Variants in PCBP3 observed in about 807,000 individuals in gnomAD.
The protein encoded by PCBP3 is poly(rC) binding protein 3, also known as poly(rC)-binding protein 3.
A neutral mutation model predicts 52.7 loss-of-function variants in PCBP3; 25 were observed. The ratio of observed to expected loss-of-function variants is 0.47; its 90% CI spans 0.35 to 0.66. The LOEUF (loss-of-function observed/expected upper bound fraction) is 0.66, where lower values mean the gene tolerates loss of function less well. Among genes scored for constraint, PCBP3 ranks in the 30% least tolerant of loss-of-function variants. PCBP3 has a pLI of 0.01. For synonymous variants in PCBP3, 162 were observed against 183.0 expected (o/e 0.89, Z 0.93); for missense variants, 391 against 490.3 (o/e 0.80, Z 1.91).
At chr21:45,734,915 G>A (rs916020473) in intron 2 of PCBP3, among the ~76,000 whole-genome samples, 2 of 152,194 alleles carry the variant, frequency 1.3e-5, no homozygotes, top group African/African-American at 2.4e-5. Flanking sequence ...GAGTCTCTGC[G>A]CGGTGTTCAC....
intron 2 of PCBP3, among the ~76,000 whole-genome samples, chr21:45,722,323 C>T (rs994247151): frequency 2.0e-5 from 3 of 152,152 alleles, no homozygotes; most frequent in Non-Finnish European, 4.4e-5. Flanking sequence ...GAAGTACAAC[C>T]AAAGGCTTAC....
At chr21:45,680,428 C>T (rs1346445746) in intron 2 of PCBP3, among the ~76,000 whole-genome samples, 1 of 152,126 alleles carries the variant, frequency 6.6e-6, no homozygotes, top group Non-Finnish European at 1.5e-5. Context: ...AAAATTTCTA[C>T]ACGTTTTGGT....
intron 1 of PCBP3, among the ~76,000 whole-genome samples, chr21:45,657,340 G>T (rs977686013): frequency 6.6e-6 from 1 of 152,112 alleles, no homozygotes; most frequent in Non-Finnish European, 1.5e-5. Context: ...TTTGTCTATG[G>T]TATGAAGGAG....
Position 45,737,662 on chromosome 21 carries a change from T to A in PCBP3, c.-162+2233T>A, listed in dbSNP as rs2085986981. 6.6e-6 allele frequency among the ~76,000 whole-genome samples: 1 copy of A among 152,224 alleles called. No individual in the cohort carries two copies. The highest frequency in any genetic ancestry group is 1.5e-5 in the Non-Finnish European group (1 of 68,038). On this transcript the variant is annotated intron_variant, in intron 3 of 17. Coordinates refer to ENST00000681687, the MANE Select transcript of PCBP3 (RefSeq NM_001384156.1). The surrounding 1 kb of genome is among the most constrained non-coding windows in gnomAD (Gnocchi z 4.9). ...CTGCCAGCATGTGGGTTCTGGAGGC[T>A]GCAGCAGGCAGATTCTGGAAATTCC... is the stretch of plus-strand genomic sequence containing the variant.
At chr21:45,927,306 TCC>T (rs2075572605) in intron 13 of PCBP3, among the ~76,000 whole-genome samples, 1 of 60,818 alleles carries the variant, frequency 1.6e-5, no homozygotes, top group Non-Finnish European at 3.4e-5. Flanking sequence ...CTCCCTCCCC[TCC>T]CCTTCCTCCC....
chr21:45,865,841 C>T (rs2094700840), intron 5 of PCBP3, among the ~76,000 whole-genome samples: 1 of 152,242 alleles, frequency 6.6e-6, no homozygotes, highest in Non-Finnish European at 1.5e-5. Flanking sequence ...GCAGAGGCCT[C>T]AGGCGGGCTC....
chr21:45,684,259 A>T (rs2082025827), intron 2 of PCBP3, among the ~76,000 whole-genome samples: 1 of 152,222 alleles, frequency 6.6e-6, no homozygotes, highest in South Asian at 2.1e-4. Context: ...AAAAGTAATA[A>T]GGTCCTGTGG....
rs986983430 is a variant in PCBP3, at chr21:45,888,417, C to T, written c.11-7791C>T. ...TTTATGGGTGCCCGCGGGTGGGAAC[C>T]GGGGCTAGAGCAGCTCACCCTGCTC... On this transcript the variant is annotated intron_variant, in intron 5 of 17. Transcript: ENST00000681687. 3.9e-5 allele frequency among the ~76,000 whole-genome samples: 6 copies of T among 152,212 alleles called. No individual in the cohort carries two copies. In the East Asian group the frequency reaches 5.8e-4, roughly 15 times the overall value.
In PCBP3 at chr21:45,899,669, G is replaced by A. The variant is rs750786569; in HGVS notation, c.189+47G>A. The A allele has an allele frequency of 9.7e-6, 14 of 1,442,694 alleles. No homozygotes were observed. The South Asian group carries it at 1.6e-4, about 17-fold the overall frequency. 89.4% of individuals were successfully genotyped at this position (1,442,694 alleles called of 1,614,324 possible). On this transcript the variant is annotated intron_variant, in intron 7 of 17. Coordinates refer to ENST00000681687, the MANE Select transcript of PCBP3 (RefSeq NM_001384156.1). ...GCCTCTCCTGGGGTCTCTGTAAGGG[G>A]ATGGTGAGGATGGCAGCCTCCCTGG...
intron 2 of PCBP3, among the ~76,000 whole-genome samples, chr21:45,718,565 C>T (rs1200424080): frequency 6.6e-6 from 1 of 151,976 alleles, no homozygotes; most frequent in East Asian, 1.9e-4. Context: ...GGCTTGGATG[C>T]AGCTCGGGGG....
intron 2 of PCBP3, among the ~76,000 whole-genome samples, chr21:45,669,608 T>G (rs2147245566): frequency 6.6e-6 from 1 of 151,902 alleles, no homozygotes; most frequent in African/African-American, 2.4e-5. Flanking sequence ...CCCTGGCAAC[T>G]ACCATTCTAC....
intron 15 of PCBP3, among the ~76,000 whole-genome samples, chr21:45,933,611 G>A (rs1348491432): frequency 6.6e-6 from 1 of 152,200 alleles, no homozygotes; most frequent in African/African-American, 2.4e-5. Context: ...AATAAGTGTT[G>A]TTTTGAAAGT....
intron 4 of PCBP3, among the ~76,000 whole-genome samples, chr21:45,796,900 A>G (rs2091946340): frequency 6.6e-6 from 1 of 152,266 alleles, no homozygotes; most frequent in South Asian, 2.1e-4. Flanking sequence ...TTCTAATTAC[A>G]TAGCTCTTGA....
chr21:45,742,638 G>C (rs2086539396), intron 3 of PCBP3, among the ~76,000 whole-genome samples: 1 of 152,048 alleles, frequency 6.6e-6, no homozygotes, highest in Admixed American at 6.5e-5. Flanking sequence ...TATGTTCTTA[G>C]GTGAAGATCT....
At chr21:45,663,053 G>A (rs898251544) in intron 1 of PCBP3, among the ~76,000 whole-genome samples, 2 of 152,108 alleles carry the variant, frequency 1.3e-5, no homozygotes, top group Admixed American at 6.5e-5. Context: ...CTCCTGGTCC[G>A]CTTTCATGTT....
intron 2 of PCBP3, among the ~76,000 whole-genome samples, chr21:45,695,848 A>G (rs2082734614): frequency 6.6e-6 from 1 of 152,048 alleles, no homozygotes; most frequent in Admixed American, 6.6e-5. Flanking sequence ...TGGGAGGCCG[A>G]GGCAGGTGGG....
At chr21:45,811,937 T>C (rs1048186944) in intron 4 of PCBP3, among the ~76,000 whole-genome samples, 1 of 152,238 alleles carries the variant, frequency 6.6e-6, no homozygotes, top group African/African-American at 2.4e-5. Flanking sequence ...TAGCTTTTCC[T>C]TTTCCTGCCT....
intron 5 of PCBP3, among the ~76,000 whole-genome samples, chr21:45,855,009 G>A (rs1029257378): frequency 6.6e-6 from 1 of 152,216 alleles, no homozygotes; most frequent in African/African-American, 2.4e-5. Context: ...GAGCCTCTCG[G>A]AACAGCTCGA....
chr21:45,709,400 C>T (rs1481838556), intron 2 of PCBP3, among the ~76,000 whole-genome samples: 2 of 152,142 alleles, frequency 1.3e-5, no homozygotes, highest in African/African-American at 4.8e-5. Flanking sequence ...TGAGTACTTC[C>T]TGTAAACTTG....
Sources: gnomAD v4.1 joint callset for allele counts (sites outside exome capture counted in the v4.1 genomes callset) on GRCh38, gnomAD v4.1.1 for gene constraint, Gnocchi (gnomAD v3.1) non-coding constraint, MANE v1.5 for transcripts, NCBI Gene and HGNC (gene_info 2026-07-23, HGNC 2026-07-21) for gene names.